DMXL1: variants seen among roughly 807,000 people sequenced by gnomAD.
The protein encoded by DMXL1 is Dmx like 1.
In DMXL1, 99 loss-of-function variants were observed where a neutral mutation model predicts 319.2. The observed-to-expected ratio is 0.31, with a 90% confidence interval of 0.26 to 0.37. The LOEUF is 0.37. DMXL1 is among the 10% of genes least tolerant of loss of function. DMXL1 has a pLI of 1.00. For synonymous variants in DMXL1, 1,385 were observed against 1,235.2 expected (o/e 1.12, Z -2.54); for missense variants, 3,745 against 3,595.6 (o/e 1.04, Z -1.06).
At chr5:119,162,814 TA>T (rs1477698299) in intron 19 of DMXL1, among the ~76,000 whole-genome samples, 1 of 152,228 alleles carries the variant, frequency 6.6e-6, no homozygotes, top group Non-Finnish European at 1.5e-5. Flanking sequence ...TTTAGAATAA[TA>T]GTCCATTCAC....
At chr5:119,167,955 C>G in intron 23 of DMXL1, 91 bp downstream of exon 23, 1 of 1,240,422 alleles carries the variant, frequency 8.1e-7, no homozygotes, top group African/African-American at 1.6e-5. Flanking sequence ...AAGGGTAATA[C>G]AAACAAATTG....
At chr5:119,112,802 C>G (rs1580768650) in intron 5 of DMXL1, among the ~76,000 whole-genome samples, 1 of 151,976 alleles carries the variant, frequency 6.6e-6, no homozygotes, top group South Asian at 2.1e-4. Context: ...ACTAAAAATA[C>G]AAAAATTAGC....
chr5:119,110,345 A>G (rs1056133487), intron 5 of DMXL1, 62 bp downstream of exon 5: 2 of 1,412,146 alleles, frequency 1.4e-6, no homozygotes, highest in African/African-American at 3.0e-5. Flanking sequence ...TTTATTATAA[A>G]TGTATTTTAG....
chr5:119,115,327 C>T (rs965402040), intron 6 of DMXL1, among the ~76,000 whole-genome samples: 5 of 152,168 alleles, frequency 3.3e-5, no homozygotes, highest in Admixed American at 2.0e-4. Context: ...ACTTCATAGG[C>T]TTTCTAGAAA....
At chr5:119,246,339 CA>C (rs1789754850) in intron 43 of DMXL1, among the ~76,000 whole-genome samples, 1 of 152,162 alleles carries the variant, frequency 6.6e-6, no homozygotes, top group Admixed American at 6.5e-5. Context: ...ACCTATACGG[CA>C]AAAGCTCTGC....
chr5:119,125,924 T>C (rs1203228963), intron 9 of DMXL1, among the ~76,000 whole-genome samples: 1 of 152,198 alleles, frequency 6.6e-6, no homozygotes, highest in African/African-American at 2.4e-5. Context: ...CTGTATGTAC[T>C]GTAAGCATAT....
At position 119,206,892 on chromosome 5, in the gene DMXL1, A is replaced by G; in HGVS notation, c.7922A>G (p.Asn2641Ser). The G allele has an allele frequency of 6.6e-7, 1 of 1,515,808 alleles. No individual in the cohort carries two copies. 93.9% of individuals were successfully genotyped at this position (1,515,808 alleles called of 1,614,324 possible). The stretch of plus-strand genomic sequence containing the variant: ...TCTATGATGGAGGAGCCAAACATCA[A>G]TAAGGTACAAAATATCATTCAACTG... ...KNSMMEEPNI[N>S]KIEADLGYPG... Residue 2641 changes from asparagine to serine, a missense_variant, in exon 34 of 44, where the codon AAT becomes AGT. Physicochemically the swap from Asn to Ser is conservative, Grantham distance 46. Around this residue, in one of 4 missense-constraint regions of DMXL1, gnomAD observed 1,382 missense variants for 1,269.5 expected, o/e 1.09. Coordinates refer to ENST00000539542, the MANE Select transcript of DMXL1 (RefSeq NM_001290321.3).
chr5:119,114,392 T>TTG (rs1362327637), intron 5 of DMXL1, 83 bp from the exon 6 acceptor site: 1 of 971,210 alleles, frequency 1.0e-6, no homozygotes, highest in African/African-American at 1.6e-5. Flanking sequence ...TTTGAACCAA[T>TTG]TGCTGATTTA....
At chr5:119,174,762 T>A (rs960379345) in intron 25 of DMXL1, among the ~76,000 whole-genome samples, 7 of 152,076 alleles carry the variant, frequency 4.6e-5, no homozygotes, top group African/African-American at 1.7e-4. Context: ...TTTCAGTTAC[T>A]GCCTTTTATA....
At chr5:119,163,627 T>C (rs1389462846) in intron 19 of DMXL1, among the ~76,000 whole-genome samples, 1 of 152,136 alleles carries the variant, frequency 6.6e-6, no homozygotes, top group Non-Finnish European at 1.5e-5. Flanking sequence ...CTCACTCTGT[T>C]GCCCAGGCTG....
At chr5:119,120,754 G>C (rs1761866280) in intron 8 of DMXL1, among the ~76,000 whole-genome samples, 1 of 152,184 alleles carries the variant, frequency 6.6e-6, no homozygotes, top group African/African-American at 2.4e-5. Flanking sequence ...GAACAGCCAG[G>C]TACTTTAAGT....
At position 119,189,898 on chromosome 5, in the gene DMXL1, G is replaced by C. The variant is rs1561835105; in HGVS notation, c.7314+12G>C. The C allele has an allele frequency of 1.2e-6, 2 of 1,606,048 alleles. No homozygotes were observed. The highest frequency in any genetic ancestry group is 1.7e-6 in the Non-Finnish European group (2 of 1,173,440). On this transcript the variant is annotated intron_variant, in intron 29 of 43. Transcript: ENST00000539542. Reference sequence around the variant, plus strand: ...ATTTCATAGCTAAGGTAATTAAAATGCTATCTAGATCAATATTTTCATAGT... The same window carrying C: ...ATTTCATAGCTAAGGTAATTAAAATCCTATCTAGATCAATATTTTCATAGT...
chr5:119,169,083 T>G, intron 23 of DMXL1, among the ~76,000 whole-genome samples: 1 of 152,028 alleles, frequency 6.6e-6, no homozygotes, highest in Non-Finnish European at 1.5e-5. Context: ...TTTGTATTTT[T>G]GCTGGAGATG....
At chr5:119,082,890 G>A (rs1478099236) in intron 1 of DMXL1, among the ~76,000 whole-genome samples, 2 of 152,086 alleles carry the variant, frequency 1.3e-5, no homozygotes, top group Non-Finnish European at 2.9e-5. Context: ...TAGCCCTCTG[G>A]TAACCATCAG....
chr5:119,156,758 C>A (rs191221705), intron 19 of DMXL1, among the ~76,000 whole-genome samples: 46 of 152,068 alleles, frequency 3.0e-4, no homozygotes, highest in African/African-American at 1.0e-3. Context: ...ATACCCTCTT[C>A]CATAATGGCT....
At chr5:119,159,550 A>G (rs1561756153) in intron 19 of DMXL1, among the ~76,000 whole-genome samples, 1 of 152,254 alleles carries the variant, frequency 6.6e-6, no homozygotes, top group Non-Finnish European at 1.5e-5. Flanking sequence ...ATATATCTGC[A>G]TATTAATCTC....
chr5:119,118,835 T>G lies in DMXL1; in HGVS notation c.764T>G (p.Leu255Arg). The change falls in exon 8 of 44, where the codon CTG becomes CGG. Residue 255 changes from leucine to arginine, a missense_variant. Leu to Arg is a moderately radical substitution (Grantham distance 102, BLOSUM62 -2). Coordinates refer to ENST00000539542, the MANE Select transcript of DMXL1 (RefSeq NM_001290321.3). ...YMPRASVCNV[L>R]LTCCKDNVCR... ...CTTAGGGCTTCTGTATGTAATGTAC[T>G]GTTGACTTGCTGCAAAGATAATGTG... The G allele has an allele frequency of 6.2e-7, 1 of 1,613,126 alleles. No individual in the cohort carries two copies. The highest frequency in any genetic ancestry group is 8.5e-7 in the Non-Finnish European group (1 of 1,179,708).
intron 2 of DMXL1, among the ~76,000 whole-genome samples, chr5:119,101,365 T>A (rs546268447): frequency 1.3e-5 from 2 of 152,288 alleles, no homozygotes; most frequent in East Asian, 3.9e-4. Flanking sequence ...TTTCCAATAT[T>A]TTGATGTTCT....
intron 26 of DMXL1, among the ~76,000 whole-genome samples, chr5:119,176,533 T>G (rs1001919540): frequency 6.6e-6 from 1 of 152,010 alleles, no homozygotes; most frequent in Admixed American, 6.6e-5. Flanking sequence ...ATGAGGGAGT[T>G]TTTTTTGTTG....
Sources: gnomAD v4.1 joint callset for allele counts (sites outside exome capture counted in the v4.1 genomes callset) on GRCh38, gnomAD v4.1.1 for gene constraint, gnomAD v4.1.1 regional missense constraint, MANE v1.5 for transcripts, NCBI Gene and HGNC (gene_info 2026-07-23, HGNC 2026-07-21) for gene names.